The following ALPP variants were observed in gnomAD, a reference collection of about 807,000 sequenced individuals.
ALPP encodes alkaline phosphatase, placental type.
A neutral mutation model predicts 50.7 loss-of-function variants in ALPP; 39 were observed. The ratio of observed to expected loss-of-function variants is 0.77; its 90% CI spans 0.60 to 1.00. The LOEUF (loss-of-function observed/expected upper bound fraction) is 1.00, where lower values mean the gene tolerates loss of function less well. Ranked by LOEUF, ALPP falls within the 50% of genes least tolerant of loss-of-function variation. The pLI is 0.00. For missense variants in ALPP, 550 were observed against 746.8 expected, an observed-to-expected ratio of 0.74 and a Z score of 3.07; for synonymous variants, 226 against 320.3, an observed-to-expected ratio of 0.71 and a Z score of 3.14.
At position 232,382,006 on chromosome 2, in the gene ALPP, A is replaced by C; in HGVS notation, c.*211A>C. On this transcript the variant is annotated 3_prime_UTR_variant, in exon 11 of 11. Coordinates refer to ENST00000392027, the MANE Select transcript of ALPP (RefSeq NM_001632.5). Reference sequence around the variant, plus strand: ...GGCTGCTCTCGGACTCCCTACCCCAACCCCAGGGACTGCAGGTTGTGCCCT... The same window carrying C: ...GGCTGCTCTCGGACTCCCTACCCCACCCCCAGGGACTGCAGGTTGTGCCCT... The C allele has an allele frequency of 2.3e-5, 18 of 792,020 alleles. No individual in the cohort carries two copies. The highest frequency in any genetic ancestry group is 3.3e-5 in the Non-Finnish European group (17 of 517,434). 49.1% of individuals were successfully genotyped at this position (792,020 alleles called of 1,614,324 possible). A position where few individuals can be genotyped will look rare whatever the true frequency, so the allele number is the denominator to read the frequency against.
At position 232,381,420 on chromosome 2, in the gene ALPP, G is replaced by T; in HGVS notation, c.1309+53G>T. On this transcript the variant is annotated intron_variant, in intron 10 of 10. Coordinates refer to ENST00000392027, the MANE Select transcript of ALPP (RefSeq NM_001632.5). Reference sequence around the variant, plus strand: ...GGGGACCAGGGTGCCAAGGATGGGGGGCTGGCGGGAAGGGGTCACCTCCTG... The same window carrying T: ...GGGGACCAGGGTGCCAAGGATGGGGTGCTGGCGGGAAGGGGTCACCTCCTG... The T allele has an allele frequency of 3.1e-6, 5 of 1,613,232 alleles. No individual in the cohort carries two copies. The South Asian group carries it at 3.3e-5, about 11-fold the overall frequency.
At chr2:232,380,149 G>A (rs771732098) in intron 5 of ALPP, 37 bp from the exon 6 acceptor site, 2 of 1,613,546 alleles carry the variant, frequency 1.2e-6, no homozygotes, top group Admixed American at 3.3e-5. Context: ...GGGCCAGCCA[G>A]GGCCCCAAAT....
At position 232,381,737 on chromosome 2, in the gene ALPP, C is replaced by A. The variant is rs559948480; in HGVS notation, c.1550C>A (p.Ala517Glu). The A allele has an allele frequency of 1.9e-5, 31 of 1,598,982 alleles. 2 individuals are homozygous for A. The African/African-American group carries it at 2.4e-4, about 12-fold the overall frequency. The change falls in exon 11 of 11, where the codon GCG becomes GAG. Residue 517 changes from alanine (A) to glutamate (E), a missense_variant. Ala to Glu is a moderately radical substitution (Grantham distance 107). This residue lies in a region of ALPP where 155 missense variants were observed against 167.6 expected (regional missense o/e 0.92). Transcript: ENST00000392027. ...AAHPGRSVVP[A>E]LLPLLAGTLL... Reference sequence around the variant, plus strand: ...CACCCGGGGCGGTCCGTGGTCCCCGCGTTGCTTCCTCTGCTGGCCGGGACC... The same window carrying A: ...CACCCGGGGCGGTCCGTGGTCCCCGAGTTGCTTCCTCTGCTGGCCGGGACC...
Position 232,378,751 on chromosome 2 carries a change from A to AT in ALPP, c.-51dup. The stretch of plus-strand genomic sequence containing the variant: ...ACCCGGGCAGCCTGGAGTGCAGCTC[A>AT]TACTCCATGCCCAGAATTCCTGCCT... On this transcript the variant is annotated 5_prime_UTR_variant, in exon 1 of 11. Transcript: ENST00000392027. 6.3e-7 allele frequency: 1 copy of AT among 1,598,240 alleles called. No individual in the cohort carries two copies. Among genetic ancestry groups the AT allele is most frequent in the Non-Finnish European group, 8.5e-7 (1 of 1,171,572 alleles).
chr2:232,379,793 C>T lies in ALPP; in HGVS notation c.514C>T (p.Arg172Ter), dbSNP rs758365037. The change falls in exon 5 of 11, where the codon CGA becomes TGA. Residue 172 changes from arginine to a stop codon, truncating the protein, a stop_gained. Coordinates refer to ENST00000392027, the MANE Select transcript of ALPP (RefSeq NM_001632.5). LOFTEE classifies it high-confidence loss of function. ...GTCAGTGGGAGTGGTAACCACCACACGAGTGCAGCACGCCTCGCCAGCCGG... is the reference window on the plus strand; with the variant it reads ...GTCAGTGGGAGTGGTAACCACCACATGAGTGCAGCACGCCTCGCCAGCCGG... ...GKSVGVVTTT[R>*]VQHASPAGTY... 37 of 1,613,800 alleles carry T rather than the reference C, an allele frequency of 2.3e-5. No homozygotes were observed. In the Middle Eastern group the frequency reaches 1.2e-3, roughly 50 times the overall value.
In ALPP at chr2:232,381,756, C is replaced by T. The variant is rs556577773; in HGVS notation, c.1569C>T (p.Ala523=). 9.5e-6 allele frequency: 15 copies of T among 1,585,168 alleles called. No individual in the cohort carries two copies. The highest frequency in any genetic ancestry group is 7.0e-5 in the Admixed American group (4 of 57,494). ...TCCCCGCGTTGCTTCCTCTGCTGGC[C>T]GGGACCCTGCTGCTGCTGGAGACGG... is the stretch of plus-strand genomic sequence containing the variant. ...SVVPALLPLL[A]GTLLLLETAT... The change falls in exon 11 of 11, where the codon GCC becomes GCT. Residue 523 remains alanine, a synonymous_variant. Coordinates refer to ENST00000392027, the MANE Select transcript of ALPP (RefSeq NM_001632.5).
chr2:232,379,816 C>A lies in ALPP; in HGVS notation c.537C>A (p.Ala179=), dbSNP rs150864150. ...TTTRVQHASP[A]GTYAHTVNRN... ...CACGAGTGCAGCACGCCTCGCCAGC[C>A]GGCACCTACGCCCACACGGTGAACC... Residue 179 remains alanine, a synonymous_variant, in exon 5 of 11, where the codon GCC becomes GCA. Transcript: ENST00000392027. The A allele has an allele frequency of 3.1e-6, 5 of 1,613,884 alleles. No individual in the cohort carries two copies. Among genetic ancestry groups the A allele is most frequent in the South Asian group, 1.1e-5 (1 of 91,068 alleles).
rs1487377668 is a variant in ALPP, at chr2:232,379,845, A to G, written c.566A>G (p.Asn189Ser). The change falls in exon 5 of 11, where the codon AAC (asparagine) becomes AGC (serine). Residue 189 changes from asparagine (N) to serine (S), a missense_variant. Asn to Ser is a conservative substitution (Grantham distance 46, BLOSUM62 1). Around this residue, in one of 5 missense-constraint regions of ALPP, gnomAD observed 376 missense variants for 388.5 expected, o/e 0.97. Coordinates refer to ENST00000392027, the MANE Select transcript of ALPP (RefSeq NM_001632.5). ...AGTYAHTVNR[N>S]WYSDADVPAS... ...ACCTACGCCCACACGGTGAACCGCA[A>G]CTGGTACTCGGACGCCGACGTGCCT... The G allele has an allele frequency of 3.1e-6, 5 of 1,613,580 alleles. No homozygotes were observed. Among genetic ancestry groups the G allele is most frequent in the Admixed American group, 1.7e-5 (1 of 60,006 alleles).
rs768744017 is a variant in ALPP at position 232,378,759 on chromosome 2, T to C, written c.-44T>C. 5.0e-6 allele frequency: 8 copies of C among 1,603,678 alleles called. No homozygotes were observed. Among genetic ancestry groups the C allele is most frequent in the Non-Finnish European group, 6.8e-6 (8 of 1,174,514 alleles). ...AGCCTGGAGTGCAGCTCATACTCCA[T>C]GCCCAGAATTCCTGCCTCGCCACTG... On this transcript the variant is annotated 5_prime_UTR_variant, in exon 1 of 11. An upstream start codon of the reference 5' UTR is lost. Transcript: ENST00000392027.
Position 232,381,490 on chromosome 2 carries a change from C to G in ALPP, c.1310-7C>G. ...ACCCTCCTACCGGAACTGAACCCTCCAACCAGGGAGCCCCGAGTATCGGCA... is the reference window on the plus strand; with the variant it reads ...ACCCTCCTACCGGAACTGAACCCTCGAACCAGGGAGCCCCGAGTATCGGCA... On this transcript the variant is annotated splice_polypyrimidine_tract_variant and splice_region_variant and intron_variant, in intron 10 of 10. Coordinates refer to ENST00000392027, the MANE Select transcript of ALPP (RefSeq NM_001632.5). The G allele has an allele frequency of 3.1e-6, 5 of 1,613,060 alleles. No individual in the cohort carries two copies. The highest frequency in any genetic ancestry group is 4.2e-6 in the Non-Finnish European group (5 of 1,179,730).
rs1186803184 is a variant in ALPP, at chr2:232,379,950, G to T, written c.657+14G>T. ...ATGGACATTGACGTGCGACCCCCAG[G>T]CCAAGGGCTGGGGCTGGGCAGAGAG... is the stretch of plus-strand genomic sequence containing the variant. On this transcript the variant is annotated intron_variant, in intron 5 of 10. Transcript: ENST00000392027. 1 of 1,596,054 alleles carries T rather than the reference G, an allele frequency of 6.3e-7. No individual in the cohort carries two copies. The highest frequency in any genetic ancestry group is 8.5e-7 in the Non-Finnish European group (1 of 1,171,028).
chr2:232,380,314 G>A lies in ALPP; in HGVS notation c.786G>A (p.Lys262=). The A allele has an allele frequency of 6.2e-7, 1 of 1,613,792 alleles. No homozygotes were observed. The highest frequency in any genetic ancestry group is 8.5e-7 in the Non-Finnish European group (1 of 1,179,950). Reference sequence around the variant, plus strand: ...ATCTGGTGCAGGAATGGCTGGCGAAGCGCCAGGTGATGGGGGCTGGCGGGT... The same window carrying A: ...ATCTGGTGCAGGAATGGCTGGCGAAACGCCAGGTGATGGGGGCTGGCGGGT... ...GKNLVQEWLA[K]RQGARYVWNR... Residue 262 remains lysine, a synonymous_variant, in exon 6 of 11, where the codon AAG becomes AAA. Transcript: ENST00000392027.
At position 232,382,597 on chromosome 2, in the gene ALPP, G is replaced by A. The variant is rs1010405487; in HGVS notation, c.*802G>A. ...CTGGGAGACAAAGCAATAATAAAAG[G>A]AAGTGTTTGTAATCCCAGCACTTTG... On this transcript the variant is annotated 3_prime_UTR_variant, in exon 11 of 11. Coordinates refer to ENST00000392027, the MANE Select transcript of ALPP (RefSeq NM_001632.5). 2.0e-5 allele frequency: 3 copies of A among 152,318 alleles called. No individual in the cohort carries two copies. Among genetic ancestry groups the A allele is most frequent in the African/African-American group, 7.2e-5 (3 of 41,446 alleles). The allele number at this position is 152,318 out of a possible 1,614,324, so 9.4% of individuals were successfully genotyped here. A position where few individuals can be genotyped will look rare whatever the true frequency, so the allele number is the denominator to read the frequency against.
rs1441964711 is a variant in ALPP at position 232,382,346 on chromosome 2, G to A, written c.*551G>A. ...TTCCACACCCCTGTACCCCCCCAGG[G>A]GGCCCTCTGCCTCATGGCAAAGGCT... On this transcript the variant is annotated 3_prime_UTR_variant, in exon 11 of 11. Coordinates refer to ENST00000392027, the MANE Select transcript of ALPP (RefSeq NM_001632.5). 5 of 156,712 alleles carry A rather than the reference G, an allele frequency of 3.2e-5. No individual in the cohort carries two copies. The highest frequency in any genetic ancestry group is 1.2e-4 in the African/African-American group (5 of 41,488). The allele number at this position is 156,712 out of a possible 1,614,324, so 9.7% of individuals were successfully genotyped here.
rs1423435175 is a variant in ALPP, at chr2:232,381,592, C to T, written c.1405C>T (p.His469Tyr). ...VAVFARGPQAHLVHGVQEQTF... is the reference protein window; with the variant it reads ...VAVFARGPQAYLVHGVQEQTF... ...GGTGTTCGCGCGCGGCCCGCAGGCG[C>T]ACCTGGTTCACGGCGTGCAGGAGCA... Residue 469 changes from histidine (H) to tyrosine (Y), a missense_variant, in exon 11 of 11, where the codon CAC becomes TAC. Transcript: ENST00000392027. 2 of 1,612,554 alleles carry T rather than the reference C, an allele frequency of 1.2e-6. No homozygotes were observed. Among genetic ancestry groups the T allele is most frequent in the African/African-American group, 2.7e-5 (2 of 74,920 alleles).
At position 232,381,666 on chromosome 2, in the gene ALPP, C is replaced by T. The variant is rs1306630089; in HGVS notation, c.1479C>T (p.Tyr493=). ...VMAFAACLEP[Y]TACDLAPPAG... Reference sequence around the variant, plus strand: ...CCTTCGCCGCCTGCCTGGAGCCCTACACCGCCTGCGACCTGGCGCCCCCCG... The same window carrying T: ...CCTTCGCCGCCTGCCTGGAGCCCTATACCGCCTGCGACCTGGCGCCCCCCG... The change falls in exon 11 of 11, where the codon TAC becomes TAT. Residue 493 remains tyrosine (Y), a synonymous_variant. Transcript: ENST00000392027. The T allele has an allele frequency of 6.2e-7, 1 of 1,610,494 alleles. No homozygotes were observed. The highest frequency in any genetic ancestry group is 8.5e-7 in the Non-Finnish European group (1 of 1,178,954).
Position 232,379,533 on chromosome 2 carries a change from T to C in ALPP, c.330T>C (p.His110=), listed in dbSNP as rs538857388. ...CCCAGACATACAATGTAGACAAACA[T>C]GTGCCAGACAGTGGAGCCACAGCCA... ...ALSKTYNVDK[H]VPDSGATATA... The change falls in exon 4 of 11, where the codon CAT becomes CAC. Residue 110 remains histidine (H), a synonymous_variant. Transcript: ENST00000392027. 5.0e-6 allele frequency: 8 copies of C among 1,613,926 alleles called. No homozygotes were observed. In the South Asian group the frequency reaches 5.5e-5, roughly 11 times the overall value.
In ALPP at chr2:232,379,791, C is replaced by G. The variant is rs1311993550; in HGVS notation, c.512C>G (p.Thr171Arg). 1 of 1,613,956 alleles carries G rather than the reference C, an allele frequency of 6.2e-7. No individual in the cohort carries two copies. The highest frequency in any genetic ancestry group is 8.5e-7 in the Non-Finnish European group (1 of 1,180,040). Residue 171 changes from threonine to arginine, a missense_variant, in exon 5 of 11, where the codon ACA becomes AGA. By Grantham distance (71) the Thr-to-Arg change is moderately conservative. Transcript: ENST00000392027. Reference sequence around the variant, plus strand: ...AAGTCAGTGGGAGTGGTAACCACCACACGAGTGCAGCACGCCTCGCCAGCC... The same window carrying G: ...AAGTCAGTGGGAGTGGTAACCACCAGACGAGTGCAGCACGCCTCGCCAGCC... The part of the protein sequence containing the change: ...AGKSVGVVTT[T>R]RVQHASPAGT...
chr2:232,380,365 A>G, intron 6 of ALPP, 45 bp downstream of exon 6: 2 of 1,613,214 alleles, frequency 1.2e-6, no homozygotes, highest in Non-Finnish European at 1.7e-6. Context: ...GGGGGAGGGC[A>G]GAGGTGTGGG....
Sources: allele counts gnomAD v4.1 joint callset, GRCh38; gene constraint gnomAD v4.1.1; regional missense constraint gnomAD v4.1.1; transcripts MANE v1.5; gene names NCBI Gene and HGNC (gene_info 2026-07-23, HGNC 2026-07-21).